The following ONECUT2 variants were observed in gnomAD, a reference collection of about 807,000 sequenced individuals.
ONECUT2 encodes one cut homeobox 2, also known as one cut domain family member 2.
ONECUT2 carries 10 observed loss-of-function variants against 27.9 expected under a neutral mutation model. The ratio of observed to expected loss-of-function variants is 0.36; its 90% confidence interval spans 0.22 to 0.61. The LOEUF is 0.61. Among genes scored for constraint, ONECUT2 ranks in the 20% least tolerant of loss-of-function variants. The pLI, the probability that ONECUT2 is intolerant of heterozygous loss-of-function variation, is 0.73. For missense variants in ONECUT2, 686 were observed against 721.0 expected, an observed-to-expected ratio of 0.95 and a Z score of 0.56; for synonymous variants, 334 against 315.1, an observed-to-expected ratio of 1.06 and a Z score of -0.64.
Position 57,436,263 on chromosome 18 carries a change from C to T in ONECUT2, c.547C>T (p.His183Tyr), listed in dbSNP as rs1457844124. 2 of 1,603,966 alleles carry T rather than the reference C, an allele frequency of 1.2e-6. No homozygotes were observed. The highest frequency in any genetic ancestry group is 1.3e-5 in the African/African-American group (1 of 74,976). Residue 183 changes from histidine to tyrosine, a missense_variant, in exon 1 of 2, where the codon CAC becomes TAC. His to Tyr is a moderately conservative substitution (Grantham distance 83). Around this residue, in one of 4 missense-constraint regions of ONECUT2, gnomAD observed 511 missense variants for 488.1 expected, o/e 1.05. Coordinates refer to ENST00000491143, the MANE Select transcript of ONECUT2 (RefSeq NM_004852.3). This position sits in a 1 kb window ranked among gnomAD's most constrained non-coding sequence, Gnocchi z 5.9. ...CCATCCGCACCACCACCACCACCAC[C>T]ACCACCAGCGCCTGTCCGGCAACGT... ...HHHPHHHHHH[H>Y]HQRLSGNVSG...
chr18:57,439,695 C>A (rs1022609457), intron 1 of ONECUT2, among the ~76,000 whole-genome samples: 2 of 152,174 alleles, frequency 1.3e-5, no homozygotes, highest in African/African-American at 4.8e-5. Flanking sequence ...CCGCAGAGGG[C>A]CCTCGCCGTT....
chr18:57,454,512 G>A (rs926721901), intron 1 of ONECUT2, among the ~76,000 whole-genome samples: 2 of 152,248 alleles, frequency 1.3e-5, no homozygotes, highest in African/African-American at 4.8e-5. Context: ...TGTAGGAGGA[G>A]GACAAGGTAG....
Position 57,476,686 on chromosome 18 carries a change from G to C in ONECUT2, c.1478G>C (p.Gly493Ala). The part of the protein sequence containing the change: ...EKWQDDLSTG[G>A]SSSTSSTCTK... ...TGGCAAGACGATCTGAGCACAGGGG[G>C]CTCCTCGTCCACCTCCAGCACGTGT... is the stretch of plus-strand genomic sequence containing the variant. The change falls in exon 2 of 2, where the codon GGC (glycine) becomes GCC (alanine). Residue 493 changes from glycine (G) to alanine (A), a missense_variant. Gly to Ala is a moderately conservative substitution (Grantham distance 60, BLOSUM62 0). Coordinates refer to ENST00000491143, the MANE Select transcript of ONECUT2 (RefSeq NM_004852.3). 6.2e-7 allele frequency: 1 copy of C among 1,614,162 alleles called. No homozygotes were observed. Among genetic ancestry groups the C allele is most frequent in the Non-Finnish European group, 8.5e-7 (1 of 1,180,042 alleles).
At position 57,477,757 on chromosome 18, in the gene ONECUT2, T is replaced by TGG. The variant is rs1236056943; in HGVS notation, c.*1035_*1036dup. ...ATGTGTCCTTGGTTGATCAGTCATC[T>TGG]GGTCCCTCCTACTGTGTGTTATGAC... On this transcript the variant is annotated 3_prime_UTR_variant, in exon 2 of 2. Transcript: ENST00000491143. 2.6e-5 allele frequency: 4 copies of TGG among 152,672 alleles called. No individual in the cohort carries two copies. The East Asian group carries it at 7.7e-4, about 29-fold the overall frequency. 9.5% of individuals were successfully genotyped at this position (152,672 alleles called of 1,614,324 possible).
chr18:57,439,662 C>G (rs889316584), intron 1 of ONECUT2, among the ~76,000 whole-genome samples: 2 of 152,124 alleles, frequency 1.3e-5, no homozygotes, highest in Non-Finnish European at 2.9e-5. Flanking sequence ...CCCGGAGTAT[C>G]GATCGGAATC....
intron 1 of ONECUT2, among the ~76,000 whole-genome samples, chr18:57,458,938 G>A (rs749122988): frequency 1.1e-4 from 17 of 152,104 alleles, no homozygotes; most frequent in Non-Finnish European, 2.4e-4. Context: ...ACATTTTGTG[G>A]TTGCTTTATT....
intron 1 of ONECUT2, among the ~76,000 whole-genome samples, chr18:57,456,753 CAAAG>C (rs1032011364): frequency 6.6e-6 from 1 of 152,016 alleles, no homozygotes; most frequent in African/African-American, 2.4e-5. Flanking sequence ...ACCATAATTT[CAAAG>C]AAAGATTGTT....
chr18:57,453,108 A>G (rs570030252), intron 1 of ONECUT2, among the ~76,000 whole-genome samples: 3 of 152,312 alleles, frequency 2.0e-5, no homozygotes, highest in South Asian at 2.1e-4. Flanking sequence ...GATGCCGTCC[A>G]TTAGTGAGTA....
chr18:57,467,372 G>GT (rs1341272553), intron 1 of ONECUT2, among the ~76,000 whole-genome samples: 1 of 146,964 alleles, frequency 6.8e-6, no homozygotes, highest in Admixed American at 6.8e-5. Flanking sequence ...TTGTTTGTTT[G>GT]TTTTTTTTCC....
chr18:57,476,455 A>G lies in ONECUT2; in HGVS notation c.1247A>G (p.Gln416Arg). The change falls in exon 2 of 2, where the codon CAA (glutamine) becomes CGA (arginine). Residue 416 changes from glutamine (Q) to arginine (R), a missense_variant. By Grantham distance (43) the Gln-to-Arg change is conservative. This residue lies in a region of ONECUT2 where 51 missense variants were observed against 41.3 expected (regional missense o/e 1.23). Transcript: ENST00000491143. ...CTTCAAGCGTGCAAACGCAAAGAGC[A>G]AGAACCAAACAAAGACAGGAACAAT... Reference protein sequence around the residue: ...LRLAACKRKEQEPNKDRNNSQ... With the variant: ...LRLAACKRKEREPNKDRNNSQ... The G allele has an allele frequency of 1.9e-6, 3 of 1,614,224 alleles. No individual in the cohort carries two copies. The highest frequency in any genetic ancestry group is 2.5e-6 in the Non-Finnish European group (3 of 1,180,026).
At chr18:57,457,574 A>T (rs769847095) in intron 1 of ONECUT2, among the ~76,000 whole-genome samples, 2 of 152,178 alleles carry the variant, frequency 1.3e-5, no homozygotes, top group Non-Finnish European at 2.9e-5. Context: ...CTCTGCATCC[A>T]AAGGTCAGTT....
At chr18:57,451,350 A>G (rs1369151911) in intron 1 of ONECUT2, among the ~76,000 whole-genome samples, 1 of 152,206 alleles carries the variant, frequency 6.6e-6, no homozygotes, top group Non-Finnish European at 1.5e-5. Context: ...TGTGCCTTGC[A>G]TAACCAAACC....
intron 1 of ONECUT2, among the ~76,000 whole-genome samples, chr18:57,469,587 A>G (rs2050342469): frequency 6.6e-6 from 1 of 152,232 alleles, no homozygotes; most frequent in African/African-American, 2.4e-5. Context: ...TCGTAGTCTT[A>G]CCTCTTATAT....
Position 57,482,200 on chromosome 18 carries a change from A to G in ONECUT2, c.*5477A>G, listed in dbSNP as rs950515235. ...GTTGATTTTAAATATGGATGTCTCA[A>G]TGCCTGTTTTCTATCAATGATTTGT... On this transcript the variant is annotated 3_prime_UTR_variant, in exon 2 of 2. Coordinates refer to ENST00000491143, the MANE Select transcript of ONECUT2 (RefSeq NM_004852.3). 1.3e-5 allele frequency: 2 copies of G among 152,208 alleles called. No individual in the cohort carries two copies. Among genetic ancestry groups the G allele is most frequent in the African/African-American group, 4.8e-5 (2 of 41,458 alleles). 9.4% of individuals were successfully genotyped at this position (152,208 alleles called of 1,614,324 possible).
chr18:57,437,979 C>T (rs946041858), intron 1 of ONECUT2, among the ~76,000 whole-genome samples: 5 of 152,242 alleles, frequency 3.3e-5, no homozygotes, highest in Admixed American at 2.0e-4. Flanking sequence ...CGGGTAGAGG[C>T]GCGGGTTACA....
intron 1 of ONECUT2, among the ~76,000 whole-genome samples, chr18:57,457,255 T>C (rs2050264822): frequency 1.3e-5 from 2 of 152,194 alleles, no homozygotes; most frequent in Admixed American, 1.3e-4. Flanking sequence ...TGAGGTCAAA[T>C]AAACTTTCAA....
In ONECUT2 at chr18:57,435,782, G is replaced by A; in HGVS notation, c.66G>A (p.Pro22=). The A allele has an allele frequency of 7.9e-7, 1 of 1,259,752 alleles. No individual in the cohort carries two copies. The highest frequency in any genetic ancestry group is 1.0e-6 in the Non-Finnish European group (1 of 967,806). The allele number at this position is 1,259,752 out of a possible 1,614,324, so 78.0% of individuals were successfully genotyped here. A position where few individuals can be genotyped will look rare whatever the true frequency, so the allele number is the denominator to read the frequency against. ...TKDLEGCAMN[P]ELTMESLGTL... ...ACCTAGAAGGCTGCGCCATGAACCCGGAGCTGACAATGGAAAGTCTGGGCA... is the reference window on the plus strand; with the variant it reads ...ACCTAGAAGGCTGCGCCATGAACCCAGAGCTGACAATGGAAAGTCTGGGCA... Residue 22 remains proline, a synonymous_variant, in exon 1 of 2, where the codon CCG becomes CCA. Transcript: ENST00000491143.
chr18:57,475,214 G>A (rs1317961982), intron 1 of ONECUT2, among the ~76,000 whole-genome samples: 1 of 151,850 alleles, frequency 6.6e-6, no homozygotes, highest in Non-Finnish European at 1.5e-5. Flanking sequence ...CCACCACCAT[G>A]CCCAGCTATT....
At position 57,481,572 on chromosome 18, in the gene ONECUT2, A is replaced by T. The variant is rs1243941787; in HGVS notation, c.*4849A>T. On this transcript the variant is annotated 3_prime_UTR_variant, in exon 2 of 2. Transcript: ENST00000491143. ...GTAAATTCAAGTTGAACAGATTTTT[A>T]AAATCACTATTATCTGGGTATGGGG... The T allele has an allele frequency of 6.6e-6, 1 of 152,232 alleles. No individual in the cohort carries two copies. The highest frequency in any genetic ancestry group is 1.5e-5 in the Non-Finnish European group (1 of 68,036). 9.4% of individuals were successfully genotyped at this position (152,232 alleles called of 1,614,324 possible).
Sources: allele counts gnomAD v4.1 joint callset (sites outside exome capture counted in the v4.1 genomes callset), GRCh38; gene constraint gnomAD v4.1.1; regional missense constraint gnomAD v4.1.1; non-coding constraint Gnocchi (gnomAD v3.1); transcripts MANE v1.5; gene names NCBI Gene and HGNC (gene_info 2026-07-23, HGNC 2026-07-21).